VSNL1: variants seen among roughly 807,000 people sequenced by gnomAD.
VSNL1 encodes the protein visinin-like protein 1.
Under a neutral mutation model 20.4 loss-of-function variants are expected in VSNL1, and 6 were observed. The observed-to-expected ratio is 0.29, with a 90% CI of 0.16 to 0.58. The LOEUF (loss-of-function observed/expected upper bound fraction) is 0.58, where lower values mean the gene tolerates loss of function less well. Among genes scored for constraint, VSNL1 ranks in the 20% least tolerant of loss-of-function variants. The pLI is 0.90. For synonymous variants in VSNL1, 93 were observed against 86.4 expected, an observed-to-expected ratio of 1.08 and a Z score of -0.42; for missense variants, 100 against 234.5, an observed-to-expected ratio of 0.43 and a Z score of 3.75.
chr2:17,653,273 C>T (rs2103433954), intron 3 of VSNL1, among the ~76,000 whole-genome samples: 1 of 152,312 alleles, frequency 6.6e-6, no homozygotes, highest in Non-Finnish European at 1.5e-5. Flanking sequence ...TTCAGAGTTG[C>T]TTCCTGAGGT....
chr2:17,640,110 C>T (rs564520507), intron 2 of VSNL1, among the ~76,000 whole-genome samples: 9 of 152,080 alleles, frequency 5.9e-5, no homozygotes, highest in East Asian at 5.8e-4. Context: ...ATTAGCTGGG[C>T]GCAGTGGCAC....
intron 2 of VSNL1, among the ~76,000 whole-genome samples, chr2:17,598,863 T>C (rs945068330): frequency 2.0e-5 from 3 of 152,250 alleles, no homozygotes; most frequent in African/African-American, 7.2e-5. Flanking sequence ...CAAACTTCAC[T>C]GGCATAAGAA....
chr2:17,629,348 C>G (rs189118275), intron 2 of VSNL1, among the ~76,000 whole-genome samples: 24 of 152,352 alleles, frequency 1.6e-4, no homozygotes, highest in Admixed American at 1.2e-3. Flanking sequence ...TGAGAAAATG[C>G]AATGAGAAGC....
chr2:17,560,023 C>G (rs1275230693), intron 1 of VSNL1, among the ~76,000 whole-genome samples: 1 of 151,530 alleles, frequency 6.6e-6, no homozygotes, highest in Non-Finnish European at 1.5e-5. Flanking sequence ...TTTCTTTTAG[C>G]TTATCAAAAA....
chr2:17,591,039 A>T (rs7605693), intron 1 of VSNL1, among the ~76,000 whole-genome samples: 1,818 of 152,274 alleles, frequency 0.012, 32 homozygotes, highest in African/African-American at 0.041. Context: ...CTTTAAAGGG[A>T]AAATTTTAAA....
chr2:17,555,890 G>A (rs945048409), intron 1 of VSNL1, among the ~76,000 whole-genome samples: 1 of 152,098 alleles, frequency 6.6e-6, no homozygotes, highest in African/African-American at 2.4e-5. Flanking sequence ...CTATATGCCA[G>A]AAATTGAATT....
At chr2:17,584,842 A>C (rs568483988) in intron 1 of VSNL1, among the ~76,000 whole-genome samples, 1 of 152,118 alleles carries the variant, frequency 6.6e-6, no homozygotes, top group African/African-American at 2.4e-5. Context: ...AGGCCCTAAC[A>C]TACTAACTCG....
intron 1 of VSNL1, among the ~76,000 whole-genome samples, chr2:17,587,345 G>A (rs1033297): frequency 0.32 from 42,284 of 131,162 alleles, 7,634 homozygotes; most frequent in East Asian, 0.82. Flanking sequence ...ACAGGCTGAG[G>A]GCAACACACA....
At chr2:17,589,665 C>T (rs1272614358) in intron 1 of VSNL1, among the ~76,000 whole-genome samples, 1 of 152,168 alleles carries the variant, frequency 6.6e-6, no homozygotes, top group East Asian at 1.9e-4. Flanking sequence ...ACAATATTTC[C>T]TGTGTGTGTA....
At chr2:17,595,942 T>C (rs1202419517) in intron 2 of VSNL1, among the ~76,000 whole-genome samples, 1 of 152,226 alleles carries the variant, frequency 6.6e-6, no homozygotes, top group Non-Finnish European at 1.5e-5. Context: ...TTGACTGCTG[T>C]ATAACGTTAT....
chr2:17,604,932 A>G lies in VSNL1; in HGVS notation c.162+12696A>G, dbSNP rs563173091. Among the ~76,000 whole-genome samples the G allele has an allele frequency of 3.9e-5, 6 of 152,354 alleles. No individual in the cohort carries two copies. The East Asian group carries it at 1.2e-3, about 29-fold the overall frequency. On this transcript the variant is annotated intron_variant, in intron 2 of 3. Transcript: ENST00000295156. The stretch of plus-strand genomic sequence containing the variant: ...GGTTCTCTCTATCCGAGGCAGAGAC[A>G]ACAGCTTGGAATACGTGTTAAGTAA...
chr2:17,549,499 T>C (rs1021984159), intron 1 of VSNL1, among the ~76,000 whole-genome samples: 4 of 152,152 alleles, frequency 2.6e-5, no homozygotes, highest in African/African-American at 9.7e-5. Flanking sequence ...TCATAACAAA[T>C]CATTACTTAC....
intron 2 of VSNL1, among the ~76,000 whole-genome samples, chr2:17,612,832 A>G (rs1028879096): frequency 6.6e-6 from 1 of 152,168 alleles, no homozygotes; most frequent in Non-Finnish European, 1.5e-5. Flanking sequence ...TCTACAGTAC[A>G]TTCACTCCCT....
chr2:17,630,431 T>C (rs1665604924), intron 2 of VSNL1, among the ~76,000 whole-genome samples: 2 of 152,272 alleles, frequency 1.3e-5, no homozygotes, highest in Non-Finnish European at 2.9e-5. Flanking sequence ...TGGATGTTCC[T>C]TGTTCTTGAA....
chr2:17,624,670 G>A (rs967451391), intron 2 of VSNL1, among the ~76,000 whole-genome samples: 12 of 152,262 alleles, frequency 7.9e-5, no homozygotes, highest in African/African-American at 2.9e-4. Flanking sequence ...AATGCAGGCA[G>A]CCTCTTAGAG....
intron 2 of VSNL1, among the ~76,000 whole-genome samples, chr2:17,647,864 C>G (rs945832890): frequency 6.6e-6 from 1 of 151,862 alleles, no homozygotes; most frequent in Non-Finnish European, 1.5e-5. Flanking sequence ...CAAGACGAGG[C>G]CCGACATGAA....
rs1558312440 is a variant in VSNL1 at position 17,649,633 on chromosome 2, C to G, written c.378+8C>G. On this transcript the variant is annotated splice_region_variant and intron_variant, in intron 3 of 3. Coordinates refer to ENST00000295156, the MANE Select transcript of VSNL1 (RefSeq NM_003385.5). This position sits in a 1 kb window ranked among gnomAD's most constrained non-coding sequence, Gnocchi z 6.4. ...ATGCTGGAGATCATCGAGGTGAGGC[C>G]CGGGGTGTGGTTGGCGGGTGGTGGG... The G allele has an allele frequency of 1.4e-5, 22 of 1,613,606 alleles. No homozygotes were observed. The highest frequency in any genetic ancestry group is 2.7e-5 in the African/African-American group (2 of 74,852).
At chr2:17,625,387 C>T (rs62133587) in intron 2 of VSNL1, among the ~76,000 whole-genome samples, 8,171 of 152,290 alleles carry the variant, frequency 0.054, 258 homozygotes, top group East Asian at 0.092. Context: ...GAAATCTCTA[C>T]TCCTGAACAT....
chr2:17,607,986 C>T (rs62132145), intron 2 of VSNL1, among the ~76,000 whole-genome samples: 8,232 of 152,206 alleles, frequency 0.054, 257 homozygotes, highest in East Asian at 0.091. Flanking sequence ...CTTATGACTA[C>T]GGGAGGTACT....
Sources: gnomAD v4.1 joint callset for allele counts (sites outside exome capture counted in the v4.1 genomes callset) on GRCh38, gnomAD v4.1.1 for gene constraint, Gnocchi (gnomAD v3.1) non-coding constraint, MANE v1.5 for transcripts, NCBI Gene and HGNC (gene_info 2026-07-23, HGNC 2026-07-21) for gene names.